Variants in DMXL1 observed in about 807,000 individuals in gnomAD.
The protein encoded by DMXL1 is dmX-like protein 1.
Under a neutral mutation model 319.2 loss-of-function variants are expected in DMXL1, and 99 were observed. The observed-to-expected ratio is 0.31, with a 90% CI of 0.26 to 0.37. The LOEUF is 0.37. Among genes scored for constraint, DMXL1 ranks in the 10% least tolerant of loss-of-function variants. The probability of loss-of-function intolerance (pLI) is 1.00; values close to 1 mark genes in which losing one functional copy is unlikely to be tolerated. For synonymous variants in DMXL1, 1,385 were observed against 1,235.2 expected, an observed-to-expected ratio of 1.12 and a Z score of -2.54; for missense variants, 3,745 against 3,595.6, an observed-to-expected ratio of 1.04 and a Z score of -1.06.
At chr5:119,185,433 G>T (rs1038837576) in intron 28 of DMXL1, among the ~76,000 whole-genome samples, 1 of 152,130 alleles carries the variant, frequency 6.6e-6, no homozygotes. Context: ...GTATGGTAAT[G>T]ATCCTAGGAA....
chr5:119,182,166 A>G (rs930903024), intron 28 of DMXL1, among the ~76,000 whole-genome samples: 2 of 152,212 alleles, frequency 1.3e-5, no homozygotes, highest in African/African-American at 4.8e-5. Flanking sequence ...AATGTTCAAT[A>G]TACATTGTTG....
At chr5:119,176,417 A>G (rs1202797858) in intron 26 of DMXL1, among the ~76,000 whole-genome samples, 1 of 152,032 alleles carries the variant, frequency 6.6e-6, no homozygotes, top group Admixed American at 6.6e-5. Flanking sequence ...AGGTAACTTC[A>G]ACTTGATTTC....
intron 13 of DMXL1, among the ~76,000 whole-genome samples, chr5:119,138,629 A>T (rs1189016639): frequency 6.6e-6 from 1 of 152,200 alleles, no homozygotes; most frequent in Non-Finnish European, 1.5e-5. Flanking sequence ...ACTTGAGGTC[A>T]GAAGTTTGAG....
At chr5:119,099,351 C>G (rs1200935168) in intron 2 of DMXL1, among the ~76,000 whole-genome samples, 1 of 152,068 alleles carries the variant, frequency 6.6e-6, no homozygotes, top group African/African-American at 2.4e-5. Flanking sequence ...GCTGGAATTA[C>G]AGGTGCTCGC....
intron 23 of DMXL1, among the ~76,000 whole-genome samples, chr5:119,169,816 A>G (rs141214417): frequency 6.6e-6 from 1 of 152,328 alleles, no homozygotes; most frequent in East Asian, 1.9e-4. Context: ...GTTGAACCCT[A>G]GGAGACTCTC....
intron 21 of DMXL1, among the ~76,000 whole-genome samples, chr5:119,166,268 T>G (rs2150235268): frequency 6.6e-6 from 1 of 152,346 alleles, no homozygotes; most frequent in East Asian, 1.9e-4. Context: ...TTTTATCTCT[T>G]AGGTCATTCT....
rs752141196 is a variant in DMXL1 at position 119,189,757 on chromosome 5, G to A, written c.7185G>A (p.Pro2395=). The A allele has an allele frequency of 9.3e-6, 15 of 1,613,900 alleles. No individual in the cohort carries two copies. Among genetic ancestry groups the A allele is most frequent in the South Asian group, 4.4e-5 (4 of 91,082 alleles). ...EGEKQNKRFR[P]SKMSCRESAP... is the part of the protein sequence containing the mutation. Reference sequence around the variant, plus strand: ...AAAAACAGAACAAACGTTTTAGGCCGTCAAAAATGTCTTGCAGAGAATCTG... The same window carrying A: ...AAAAACAGAACAAACGTTTTAGGCCATCAAAAATGTCTTGCAGAGAATCTG... The change falls in exon 29 of 44, where the codon CCG becomes CCA. Residue 2395 remains proline (P), a synonymous_variant. Coordinates refer to ENST00000539542, the MANE Select transcript of DMXL1 (RefSeq NM_001290321.3).
intron 23 of DMXL1, 77 bp from the exon 24 acceptor site, chr5:119,170,113 T>C: frequency 7.0e-7 from 1 of 1,432,264 alleles, no homozygotes; most frequent in Non-Finnish European, 9.3e-7. Flanking sequence ...GGTGTCATAG[T>C]AGATAGAGAA....
At chr5:119,172,601 C>G (rs1774807013) in intron 25 of DMXL1, among the ~76,000 whole-genome samples, 1 of 152,170 alleles carries the variant, frequency 6.6e-6, no homozygotes, top group African/African-American at 2.4e-5. Flanking sequence ...AGTTAATTGT[C>G]TAATCAACCA....
chr5:119,179,894 C>T (rs1776492014), intron 28 of DMXL1, among the ~76,000 whole-genome samples: 1 of 152,152 alleles, frequency 6.6e-6, no homozygotes, highest in South Asian at 2.1e-4. Flanking sequence ...CAGTTTATAA[C>T]TTTCAGCAGA....
intron 38 of DMXL1, among the ~76,000 whole-genome samples, chr5:119,228,117 G>T (rs1479044542): frequency 6.6e-6 from 1 of 152,074 alleles, no homozygotes; most frequent in Non-Finnish European, 1.5e-5. Flanking sequence ...ATTCTTGTTC[G>T]ACTTGATCTT....
rs762032335 is a variant in DMXL1 at position 119,097,969 on chromosome 5, A to AT, written c.88-3dup. On this transcript the variant is annotated splice_polypyrimidine_tract_variant and intron_variant, in intron 1 of 43. Coordinates refer to ENST00000539542, the MANE Select transcript of DMXL1 (RefSeq NM_001290321.3). Reference sequence around the variant, plus strand: ...ACACTTTTATCATTTTTATTTATTTATTTTTTTAGGCTTATGCATCTGGAT... The same window carrying AT: ...ACACTTTTATCATTTTTATTTATTTATTTTTTTTAGGCTTATGCATCTGGAT... The AT allele has an allele frequency of 1.3e-5, 20 of 1,591,912 alleles. No individual in the cohort carries two copies. Among genetic ancestry groups the AT allele is most frequent in the Non-Finnish European group, 1.6e-5 (19 of 1,168,734 alleles).
chr5:119,132,192 C>G (rs755744460), intron 10 of DMXL1, among the ~76,000 whole-genome samples: 20 of 152,104 alleles, frequency 1.3e-4, no homozygotes, highest in Non-Finnish European at 2.5e-4. Context: ...AGAAAAGGCT[C>G]TACACTAGAA....
rs767992201 is a variant in DMXL1, at chr5:119,178,286, C to T, written c.7135+42C>T. 7 of 1,579,428 alleles carry T rather than the reference C, an allele frequency of 4.4e-6. No individual in the cohort carries two copies. In the African/African-American group the frequency reaches 9.5e-5, roughly 21 times the overall value. ...TTTTTAGGACTGAAGCTTTATTTAT[C>T]TGAGTGATATCATTCTCAAACGTAA... is the stretch of plus-strand genomic sequence containing the variant. On this transcript the variant is annotated intron_variant, in intron 28 of 43. Transcript: ENST00000539542.
intron 35 of DMXL1, among the ~76,000 whole-genome samples, chr5:119,218,316 G>T (rs1410888891): frequency 6.6e-6 from 1 of 152,002 alleles, no homozygotes; most frequent in Non-Finnish European, 1.5e-5. Context: ...CTTCTTGAGG[G>T]TTTATATATA....
chr5:119,194,149 A>G (rs1006527988), intron 30 of DMXL1, among the ~76,000 whole-genome samples, 179 bp downstream of exon 30: 2 of 152,158 alleles, frequency 1.3e-5, no homozygotes, highest in Non-Finnish European at 2.9e-5. Flanking sequence ...TGTTGACTTT[A>G]TAACACATTG....
chr5:119,136,205 A>C (rs1172340595), intron 13 of DMXL1, among the ~76,000 whole-genome samples: 1 of 152,244 alleles, frequency 6.6e-6, no homozygotes, highest in Non-Finnish European at 1.5e-5. Flanking sequence ...GATCTGTGGA[A>C]CTTTGAACTT....
intron 3 of DMXL1, among the ~76,000 whole-genome samples, chr5:119,103,121 T>TAATA (rs1306160031): frequency 6.6e-6 from 1 of 151,982 alleles, no homozygotes; most frequent in Admixed American, 6.5e-5. Context: ...AGCAGTGTAT[T>TAATA]GGGAGTCATA....
rs867267520 is a variant in DMXL1, at chr5:119,123,399, G to A, written c.1102+2260G>A. Among the ~76,000 whole-genome samples the A allele has an allele frequency of 5.0e-3, 163 of 32,744 alleles. 3 individuals carry two copies. The highest frequency in any genetic ancestry group is 0.012 in the Middle Eastern group (1 of 84). 21.5% of individuals were successfully genotyped at this position (32,744 alleles called of 152,430 possible). A position where few individuals can be genotyped will look rare whatever the true frequency, so the allele number is the denominator to read the frequency against. On this transcript the variant is annotated intron_variant, in intron 9 of 43. Coordinates refer to ENST00000539542, the MANE Select transcript of DMXL1 (RefSeq NM_001290321.3). The stretch of plus-strand genomic sequence containing the variant: ...GGAGAGGGAGAGGAGGGAGAGGAGG[G>A]GGAGGGAGAGGGAGAGGAGGGAGAG...
Sources: gnomAD v4.1 joint callset for allele counts (sites outside exome capture counted in the v4.1 genomes callset) on GRCh38, gnomAD v4.1.1 for gene constraint, MANE v1.5 for transcripts, NCBI Gene and HGNC (gene_info 2026-07-23, HGNC 2026-07-21) for gene names.